The following RP1 variants were observed in gnomAD, a reference collection of about 807,000 sequenced individuals.
The protein encoded by RP1 is oxygen-regulated protein 1.
In RP1, 16 loss-of-function variants were observed where a neutral mutation model predicts 14.8. The observed-to-expected ratio is 1.08, with a 90% confidence interval of 0.73 to 1.65. The LOEUF is 1.65. RP1 is among the 40% of genes most tolerant of loss of function. The pLI is 0.00. For synonymous variants in RP1, 876 were observed against 883.6 expected (o/e 0.99, Z 0.15); for missense variants, 2,631 against 2,535.0 (o/e 1.04, Z -0.81).
At chr8:54,814,354 T>C (rs1811083996) in intron 24 of RP1, among the ~76,000 whole-genome samples, 1 of 152,030 alleles carries the variant, frequency 6.6e-6, no homozygotes, top group Non-Finnish European at 1.5e-5. Flanking sequence ...CACTCAAAAG[T>C]AAAAAATGAA....
downstream of RP1, among the ~76,000 whole-genome samples, chr8:54,633,733 CTCTCTATATATA>C (rs1806294688): frequency 7.7e-6 from 1 of 130,156 alleles, no homozygotes; most frequent in African/African-American, 3.1e-5. Flanking sequence ...CTCTCTCTCT[CTCTCTATATATA>C]TATATATATA....
At chr8:54,773,702 G>T (rs1319067984), downstream of RP1, among the ~76,000 whole-genome samples, 1 of 152,032 alleles carries the variant, frequency 6.6e-6, no homozygotes, top group Non-Finnish European at 1.5e-5. Flanking sequence ...TAAGAACCTT[G>T]TCCTCAGTCA....
downstream of RP1, among the ~76,000 whole-genome samples, chr8:54,633,899 C>T (rs1018348185): frequency 1.3e-5 from 2 of 151,894 alleles, no homozygotes; most frequent in Admixed American, 6.6e-5. Context: ...AGAACCCTCT[C>T]GATGGGTAAC....
At chr8:54,696,857 A>G (rs1807878026) in intron 12 of RP1, 1 of 756,818 alleles carries the variant, frequency 1.3e-6, no homozygotes, top group African/African-American at 1.7e-5. Flanking sequence ...ACTCATTTTG[A>G]AATGTGGACA....
At chr8:54,795,030 C>T (rs1167777704) in intron 24 of RP1, among the ~76,000 whole-genome samples, 4 of 151,960 alleles carry the variant, frequency 2.6e-5, no homozygotes, top group Admixed American at 1.3e-4. Context: ...CAAATTGAAA[C>T]TGCAATGAGA....
chr8:54,627,879 T>G lies in RP1; in HGVS notation c.3997T>G (p.Tyr1333Asp). The G allele has an allele frequency of 6.2e-7, 1 of 1,614,178 alleles. No individual in the cohort carries two copies. ...YEGACPIDET[Y>D]VPVNVCNTID... ...GGGAGCTTGCCCAATTGATGAGACCTACGTTCCTGTCAATGTCTGCAATAC... is the reference window on the plus strand; with the variant it reads ...GGGAGCTTGCCCAATTGATGAGACCGACGTTCCTGTCAATGTCTGCAATAC... The change falls in exon 4 of 4, where the codon TAC becomes GAC. Residue 1333 changes from tyrosine to aspartate, a missense_variant. Physicochemically the swap from Tyr to Asp is radical, Grantham distance 160 (BLOSUM62 -3). Transcript: ENST00000220676.
intron 21 of RP1, among the ~76,000 whole-genome samples, chr8:54,756,977 G>A (rs1211911646): frequency 6.6e-6 from 1 of 152,200 alleles, no homozygotes; most frequent in East Asian, 1.9e-4. Flanking sequence ...TGCAATCAGT[G>A]TATAAAGAAG....
chr8:54,714,942 G>T (rs959068441), intron 15 of RP1, among the ~76,000 whole-genome samples: 6 of 152,240 alleles, frequency 3.9e-5, no homozygotes, highest in African/African-American at 1.4e-4. Context: ...ATAAATTGCT[G>T]AGTGATTCAT....
chr8:54,796,574 C>T (rs562360170), intron 24 of RP1, among the ~76,000 whole-genome samples: 1 of 152,130 alleles, frequency 6.6e-6, no homozygotes, highest in East Asian at 1.9e-4. Context: ...AGAGAAGCAT[C>T]GAGAGAGAAC....
chr8:54,794,989 G>A (rs1563378631), intron 24 of RP1, among the ~76,000 whole-genome samples: 1 of 151,914 alleles, frequency 6.6e-6, no homozygotes, highest in East Asian at 1.9e-4. Context: ...ACACAAAAAG[G>A]TGCTCAACAT....
intron 12 of RP1, among the ~76,000 whole-genome samples, chr8:54,687,131 T>C (rs542605237): frequency 1.3e-3 from 205 of 152,126 alleles, no homozygotes; most frequent in Non-Finnish European, 2.1e-3. Context: ...ACTCAATTCC[T>C]AGAAAGAATC....
intron 19 of RP1, among the ~76,000 whole-genome samples, chr8:54,748,139 C>G (rs539898045): frequency 6.6e-6 from 1 of 152,288 alleles, no homozygotes; most frequent in East Asian, 1.9e-4. Flanking sequence ...CCCAGGCAAT[C>G]TTGAGATTAG....
At chr8:54,770,491 A>G (rs1809875027), downstream of RP1, among the ~76,000 whole-genome samples, 1 of 151,214 alleles carries the variant, frequency 6.6e-6, no homozygotes, top group Non-Finnish European at 1.5e-5. Flanking sequence ...AAAAATTGAG[A>G]TAACTTTATA....
chr8:54,643,630 T>G (rs531760335), intron 3 of RP1, among the ~76,000 whole-genome samples: 8 of 152,344 alleles, frequency 5.3e-5, no homozygotes, highest in South Asian at 2.1e-4. Flanking sequence ...TACCACAAAC[T>G]GAGTAACTTA....
In RP1 at chr8:54,656,130, TC is replaced by T; in HGVS notation, c.1087del (p.Gln363AsnfsTer20). ...CTGGAAAACAGTTTTATGTACCTGT[TC>T]AACGATGGTTGGCACGAGATCAAGA... On this transcript the variant is annotated frameshift_variant, in exon 6 of 23. Coordinates refer to the RP1 transcript ENST00000636932. LOFTEE classifies it high-confidence loss of function. The T allele has an allele frequency of 6.5e-7, 1 of 1,535,542 alleles. No individual in the cohort carries two copies. Among genetic ancestry groups the T allele is most frequent in the Non-Finnish European group, 8.7e-7 (1 of 1,146,550 alleles).
At chr8:54,739,110 G>A (rs908873752) in intron 19 of RP1, 21 of 978,544 alleles carry the variant, frequency 2.1e-5, no homozygotes, top group African/African-American at 3.3e-5. Context: ...CAGTGAAAAC[G>A]GTATTTTCCT....
At chr8:54,718,208 C>T (rs775812420) in intron 15 of RP1, among the ~76,000 whole-genome samples, 1 of 152,084 alleles carries the variant, frequency 6.6e-6, no homozygotes, top group Non-Finnish European at 1.5e-5. Context: ...TTGTGGCTAT[C>T]TATAAGCTGG....
chr8:54,842,927 C>T (rs570345336), intron 25 of RP1, among the ~76,000 whole-genome samples: 3 of 152,292 alleles, frequency 2.0e-5, no homozygotes, highest in East Asian at 1.9e-4. Context: ...AGCTCTTCAT[C>T]TGTGCTCAGG....
rs1806226973 is a variant in RP1, at chr8:54,630,578, T to C, written c.*225T>C. ...GGTTCTCTTATTTTGGAAGTTTCTA[T>C]CTGGTTTTGTTCTGAACTTACATTT... is the stretch of plus-strand genomic sequence containing the variant. On this transcript the variant is annotated 3_prime_UTR_variant, in exon 4 of 4. Transcript: ENST00000220676. The C allele has an allele frequency of 1.5e-6, 2 of 1,326,646 alleles. No homozygotes were observed. Among genetic ancestry groups the C allele is most frequent in the Non-Finnish European group, 9.6e-7 (1 of 1,040,958 alleles). The allele number at this position is 1,326,646 out of a possible 1,614,324, so 82.2% of individuals were successfully genotyped here. A position where few individuals can be genotyped will look rare whatever the true frequency, so the allele number is the denominator to read the frequency against.
Sources: allele counts gnomAD v4.1 joint callset (sites outside exome capture counted in the v4.1 genomes callset), GRCh38; gene constraint gnomAD v4.1.1; transcripts MANE v1.5; gene names NCBI Gene and HGNC (gene_info 2026-07-23, HGNC 2026-07-21).